SCLY: variants seen among roughly 807,000 people sequenced by gnomAD.
SCLY encodes selenocysteine lyase.
A neutral mutation model predicts 50.1 loss-of-function variants in SCLY; 38 were observed. That is an observed-to-expected ratio of 0.76 (90% CI 0.59 to 0.99). SCLY has a LOEUF of 0.99. SCLY is among the 50% of genes least tolerant of loss of function. The probability of loss-of-function intolerance (pLI) is 0.00; values close to 1 mark genes in which losing one functional copy is unlikely to be tolerated. For synonymous variants in SCLY, 243 were observed against 249.4 expected, an observed-to-expected ratio of 0.97 and a Z score of 0.24; for missense variants, 600 against 620.0, an observed-to-expected ratio of 0.97 and a Z score of 0.34.
chr2:238,097,954 G>A (rs1228427285), intron 11 of SCLY, among the ~76,000 whole-genome samples: 1 of 152,200 alleles, frequency 6.6e-6, no homozygotes, highest in African/African-American at 2.4e-5. Flanking sequence ...GGGAGGCAGT[G>A]TCACCTGGGA....
intron 7 of SCLY, among the ~76,000 whole-genome samples, chr2:238,087,318 G>A (rs1363359785): frequency 6.6e-6 from 1 of 152,054 alleles, no homozygotes; most frequent in Non-Finnish European, 1.5e-5. Context: ...AATGAAACAA[G>A]GAGTACCACT....
Position 238,098,296 on chromosome 2 carries a change from G to A in SCLY, c.1279G>A (p.Val427Met). ...SVGRSTTRAE[V>M]DLVVQDLKQA... ...GGGCCGCAGCACCACCAGGGCCGAG[G>A]TGGACCTCGTCGTGCAGGACCTGAA... Residue 427 changes from valine to methionine, a missense_variant, in exon 12 of 12, where the codon GTG becomes ATG. By Grantham distance (21) the Val-to-Met change is conservative. Coordinates refer to ENST00000254663, the MANE Select transcript of SCLY (RefSeq NM_016510.7). The A allele has an allele frequency of 6.2e-7, 1 of 1,608,936 alleles. No homozygotes were observed. Among genetic ancestry groups the A allele is most frequent in the Non-Finnish European group, 8.5e-7 (1 of 1,179,576 alleles).
intron 4 of SCLY, among the ~76,000 whole-genome samples, chr2:238,074,631 G>A (rs1002529563): frequency 2.6e-5 from 4 of 152,078 alleles, no homozygotes; most frequent in Admixed American, 2.0e-4. Context: ...TTATAAGCAT[G>A]TGCCACCATG....
At chr2:238,079,385 G>A (rs2065211411) in intron 4 of SCLY, 1 of 152,010 alleles carries the variant, frequency 6.6e-6, no homozygotes, top group Non-Finnish European at 1.5e-5. Context: ...TATCTTTTAA[G>A]GAAGCTAAGG....
At chr2:238,091,528 AAGTGT>A in intron 8 of SCLY, 3 of 466,958 alleles carry the variant, frequency 6.4e-6, no homozygotes, top group Admixed American at 3.4e-5. Flanking sequence ...AGCAGAGGTG[AAGTGT>A]CAAGCTGCAG....
In SCLY at chr2:238,069,182, T is replaced by A. The variant is rs2065103718; in HGVS notation, c.304-115T>A. On this transcript the variant is annotated intron_variant, in intron 3 of 11. Transcript: ENST00000254663. This position sits in a 1 kb window ranked among gnomAD's most constrained non-coding sequence, Gnocchi z 5.0. ...AAAGGTCCCACTCAGGAAGTTGAAT[T>A]TCTTTGAAGCTTTTTTGATGTTAGC... The A allele has an allele frequency of 5.1e-6, 5 of 980,264 alleles. No homozygotes were observed. Among genetic ancestry groups the A allele is most frequent in the Non-Finnish European group, 7.4e-6 (5 of 673,652 alleles). The allele number at this position is 980,264 out of a possible 1,614,324, so 60.7% of individuals were successfully genotyped here. A position where few individuals can be genotyped will look rare whatever the true frequency, so the allele number is the denominator to read the frequency against.
Position 238,098,929 on chromosome 2 carries a change from C to T in SCLY, c.*574C>T, listed in dbSNP as rs562754263. ...AGTCCCTTTCCAAAGCTGCCCCCAC[C>T]ACCCTGCTCCTCTGGCCTCAGTGCA... On this transcript the variant is annotated 3_prime_UTR_variant, in exon 12 of 12. Transcript: ENST00000254663. The T allele has an allele frequency of 1.8e-3, 402 of 220,092 alleles. No homozygotes were observed. Among genetic ancestry groups the T allele is most frequent in the Non-Finnish European group, 2.6e-3 (287 of 111,056 alleles). The allele number at this position is 220,092 out of a possible 1,614,324, so 13.6% of individuals were successfully genotyped here.
At chr2:238,094,294 G>T in intron 9 of SCLY, 126 bp from the exon 10 acceptor site, 1 of 799,266 alleles carries the variant, frequency 1.3e-6, no homozygotes, top group Non-Finnish European at 2.1e-6. Flanking sequence ...TAACTATTCT[G>T]GGTAGATGCT....
chr2:238,061,435 A>C, intron 1 of SCLY: 1 of 552,182 alleles, frequency 1.8e-6, no homozygotes. Flanking sequence ...AAGAGGGCAC[A>C]GCAGATGCGA....
Position 238,069,740 on chromosome 2 carries a change from C to G in SCLY, c.484+263C>G, listed in dbSNP as rs1415622358. 2.5e-6 allele frequency: 1 copy of G among 392,758 alleles called. No individual in the cohort carries two copies. Among genetic ancestry groups the G allele is most frequent in the Admixed American group, 4.5e-5 (1 of 22,082 alleles). The allele number at this position is 392,758 out of a possible 1,614,324, so 24.3% of individuals were successfully genotyped here. On this transcript the variant is annotated intron_variant, in intron 4 of 11. Transcript: ENST00000254663. The surrounding 1 kb of genome is among the most constrained non-coding windows in gnomAD (Gnocchi z 5.0). ...GGTTGGCAAGTGTGGCCAAACTTTC[C>G]CTTAGGAAGTTCATTGAGAATGAAT...
At chr2:238,085,545 C>T (rs1467011523) in intron 7 of SCLY, among the ~76,000 whole-genome samples, 2 of 151,114 alleles carry the variant, frequency 1.3e-5, no homozygotes, top group Admixed American at 6.6e-5. Context: ...GGTGAAACCC[C>T]ATCTCTACTG....
In SCLY at chr2:238,082,198, G is replaced by A. The variant is rs755611829; in HGVS notation, c.766G>A (p.Val256Met). ...EDLGVDFLTI[V>M]GHKFYGPRIG... Reference sequence around the variant, plus strand: ...CCTGGGCGTGGACTTCCTTACAATCGTGGGGCACAAGGTAAGTCTGCAGAG... The same window carrying A: ...CCTGGGCGTGGACTTCCTTACAATCATGGGGCACAAGGTAAGTCTGCAGAG... Residue 256 changes from valine to methionine, a missense_variant, in exon 6 of 12, where the codon GTG (valine) becomes ATG (methionine). Transcript: ENST00000254663. 27 of 1,606,616 alleles carry A rather than the reference G, an allele frequency of 1.7e-5. No homozygotes were observed. The highest frequency in any genetic ancestry group is 3.4e-5 in the Admixed American group (2 of 58,962).
At position 238,098,223 on chromosome 2, in the gene SCLY, C is replaced by G; in HGVS notation, c.1206C>G (p.Ser402Arg). Residue 402 changes from serine to arginine, a missense_variant, in exon 12 of 12, where the codon AGC (serine) becomes AGG (arginine). Physicochemically the swap from Ser to Arg is moderately radical, Grantham distance 110 (BLOSUM62 -1). Coordinates refer to ENST00000254663, the MANE Select transcript of SCLY (RefSeq NM_016510.7). Reference protein sequence around the residue: ...HGDQPSPVLLSYGVPFDVARN... With the variant: ...HGDQPSPVLLRYGVPFDVARN... Reference sequence around the variant, plus strand: ...CCAGGCCGTCCCCAGTGCTGCTGAGCTACGGTGTCCCCTTCGACGTGGCCA... The same window carrying G: ...CCAGGCCGTCCCCAGTGCTGCTGAGGTACGGTGTCCCCTTCGACGTGGCCA... The G allele has an allele frequency of 6.2e-7, 1 of 1,611,140 alleles. No individual in the cohort carries two copies. The highest frequency in any genetic ancestry group is 1.1e-5 in the South Asian group (1 of 91,032).
intron 4 of SCLY, among the ~76,000 whole-genome samples, chr2:238,075,166 A>G (rs2065161391): frequency 6.6e-6 from 1 of 152,158 alleles, no homozygotes; most frequent in Non-Finnish European, 1.5e-5. Context: ...ATGATCATTT[A>G]TTGAGATGAT....
intron 7 of SCLY, among the ~76,000 whole-genome samples, chr2:238,085,409 C>T: frequency 6.6e-6 from 1 of 151,800 alleles, no homozygotes; most frequent in East Asian, 1.9e-4. Context: ...GAAATCCAGA[C>T]CACAGAGAAG....
In SCLY at chr2:238,098,720, A is replaced by T. The variant is rs1691367115; in HGVS notation, c.*365A>T. 5 of 409,100 alleles carry T rather than the reference A, an allele frequency of 1.2e-5. No homozygotes were observed. Among genetic ancestry groups the T allele is most frequent in the African/African-American group, 2.1e-5 (1 of 48,272 alleles). The allele number at this position is 409,100 out of a possible 1,614,324, so 25.3% of individuals were successfully genotyped here. The stretch of plus-strand genomic sequence containing the variant: ...AGCTTTATCCACCCTCCCCACTGGG[A>T]ACTGGGCACGCCTGTTGTGAGTGCC... On this transcript the variant is annotated 3_prime_UTR_variant, in exon 12 of 12. Coordinates refer to ENST00000254663, the MANE Select transcript of SCLY (RefSeq NM_016510.7).
intron 8 of SCLY, chr2:238,091,536 AG>A: frequency 8.8e-6 from 4 of 453,840 alleles, no homozygotes; most frequent in South Asian, 2.4e-5. Context: ...TGAAGTGTCA[AG>A]CTGCAGGTTC....
chr2:238,062,679 C>G (rs377310565), intron 1 of SCLY, among the ~76,000 whole-genome samples: 5 of 152,240 alleles, frequency 3.3e-5, no homozygotes, highest in African/African-American at 7.2e-5. Flanking sequence ...CCCAAAGTGC[C>G]GGGATTACAG....
intron 2 of SCLY, 173 bp downstream of exon 2, chr2:238,064,642 C>G (rs188463706): frequency 1.2e-4 from 57 of 494,946 alleles, no homozygotes; most frequent in African/African-American, 1.0e-3. Flanking sequence ...CATTTGTAAG[C>G]TGAGCCTTGT....
Sources: gnomAD v4.1 joint callset for allele counts (sites outside exome capture counted in the v4.1 genomes callset) on GRCh38, gnomAD v4.1.1 for gene constraint, Gnocchi (gnomAD v3.1) non-coding constraint, MANE v1.5 for transcripts, NCBI Gene and HGNC (gene_info 2026-07-23, HGNC 2026-07-21) for gene names.